Variants in CDKN2AIPNL observed in about 807,000 individuals in gnomAD.
The protein encoded by CDKN2AIPNL is XRN2 binding domain containing 1, also known as CDKN2AIP N-terminal-like protein.
CDKN2AIPNL carries 9 observed loss-of-function variants against 12.9 expected under a neutral mutation model. The ratio of observed to expected loss-of-function variants is 0.70; its 90% CI spans 0.42 to 1.22. CDKN2AIPNL has a LOEUF of 1.22. Among genes scored for constraint, CDKN2AIPNL ranks in the 50% most tolerant of loss-of-function variants. The pLI, the probability that CDKN2AIPNL is intolerant of heterozygous loss-of-function variation, is 0.00. For synonymous variants in CDKN2AIPNL, 53 were observed against 61.7 expected (o/e 0.86, Z 0.66); for missense variants, 143 against 153.6 (o/e 0.93, Z 0.37).
At position 134,402,911 on chromosome 5, in the gene CDKN2AIPNL, T is replaced by C. The variant is rs759991533; in HGVS notation, c.*4A>G. ...GATGATGAAAATGTGATAAATCTTC[T>C]GGCTTAGCTTTGATGCTGGGAAAAA... On this transcript the variant is annotated 3_prime_UTR_variant, in exon 3 of 3. Transcript: ENST00000458198. 3 of 1,609,006 alleles carry C rather than the reference T, an allele frequency of 1.9e-6. No individual in the cohort carries two copies. Among genetic ancestry groups the C allele is most frequent in the Non-Finnish European group, 2.5e-6 (3 of 1,179,294 alleles).
At chr5:134,410,405 G>A (rs1221587207) in intron 1 of CDKN2AIPNL, 4 of 164,576 alleles carry the variant, frequency 2.4e-5, no homozygotes, top group African/African-American at 4.8e-5. Flanking sequence ...GATTACTGGC[G>A]TGAGACACCG....
chr5:134,406,666 G>A (rs1469855397), intron 2 of CDKN2AIPNL, among the ~76,000 whole-genome samples: 1 of 152,204 alleles, frequency 6.6e-6, no homozygotes, highest in African/African-American at 2.4e-5. Context: ...GCTGAGGCAG[G>A]TGGATCATTT....
At chr5:134,405,206 C>T (rs1425686955) in intron 2 of CDKN2AIPNL, among the ~76,000 whole-genome samples, 1 of 149,208 alleles carries the variant, frequency 6.7e-6, no homozygotes, top group Non-Finnish European at 1.5e-5. Flanking sequence ...CCCAGGTTCA[C>T]GCCATTCTCC....
chr5:134,408,055 T>A (rs183469828), intron 2 of CDKN2AIPNL, among the ~76,000 whole-genome samples: 1 of 151,864 alleles, frequency 6.6e-6, no homozygotes, highest in East Asian at 1.9e-4. Flanking sequence ...CACTTGAGCC[T>A]GGGAGGCAGA....
chr5:134,406,445 CAT>C (rs1265222528), intron 2 of CDKN2AIPNL, among the ~76,000 whole-genome samples: 1 of 152,340 alleles, frequency 6.6e-6, no homozygotes, highest in African/African-American at 2.4e-5. Context: ...CATCCTCTGT[CAT>C]GTGTGCAAAA....
At chr5:134,411,068 T>C (rs769432939) in intron 1 of CDKN2AIPNL, 2 of 702,532 alleles carry the variant, frequency 2.8e-6, no homozygotes, top group Admixed American at 4.0e-5. Context: ...TGGTTCCTAC[T>C]TAGGACCCCG....
At position 134,410,015 on chromosome 5, in the gene CDKN2AIPNL, A is replaced by T; in HGVS notation, c.240-13T>A. ...GTCTTTATTGTAACTGCACAATAAA[A>T]AGTAGTAAGGTAAAAACCTTGGAAC... On this transcript the variant is annotated splice_polypyrimidine_tract_variant and intron_variant, in intron 1 of 2. Coordinates refer to ENST00000458198, the MANE Select transcript of CDKN2AIPNL (RefSeq NM_080656.3). 1 of 1,565,788 alleles carries T rather than the reference A, an allele frequency of 6.4e-7. No individual in the cohort carries two copies. The highest frequency in any genetic ancestry group is 8.8e-7 in the Non-Finnish European group (1 of 1,139,706).
chr5:134,407,555 C>A (rs1561688090), intron 2 of CDKN2AIPNL, among the ~76,000 whole-genome samples: 1 of 151,730 alleles, frequency 6.6e-6, no homozygotes, highest in Non-Finnish European at 1.5e-5. Context: ...GGGTGGATCA[C>A]CTGAGGTCAG....
At chr5:134,405,597 A>G (rs1342945017) in intron 2 of CDKN2AIPNL, among the ~76,000 whole-genome samples, 3 of 150,876 alleles carry the variant, frequency 2.0e-5, no homozygotes, top group Non-Finnish European at 4.4e-5. Context: ...TTGTATTTTT[A>G]GCAGAGACGG....
intron 2 of CDKN2AIPNL, among the ~76,000 whole-genome samples, chr5:134,406,777 C>CT (rs1317209320): frequency 9.9e-5 from 15 of 152,254 alleles, no homozygotes; most frequent in African/African-American, 3.6e-4. Context: ...GGCTAAGGTG[C>CT]AAGGATCACT....
chr5:134,407,293 ACAC>A (rs1331442620), intron 2 of CDKN2AIPNL, among the ~76,000 whole-genome samples: 1 of 148,892 alleles, frequency 6.7e-6, no homozygotes, highest in African/African-American at 2.5e-5. Context: ...ACACACACAC[ACAC>A]ACTTCACACT....
In CDKN2AIPNL at chr5:134,410,013, A is replaced by G; in HGVS notation, c.240-11T>C. 1 of 1,575,594 alleles carries G rather than the reference A, an allele frequency of 6.3e-7. No homozygotes were observed. Among genetic ancestry groups the G allele is most frequent in the Middle Eastern group, 1.7e-4 (1 of 5,886 alleles). On this transcript the variant is annotated splice_polypyrimidine_tract_variant and intron_variant, in intron 1 of 2. Transcript: ENST00000458198. ...AGGTCTTTATTGTAACTGCACAATA[A>G]AAAGTAGTAAGGTAAAAACCTTGGA...
chr5:134,405,791 T>G (rs958967257), intron 2 of CDKN2AIPNL, among the ~76,000 whole-genome samples: 6 of 152,212 alleles, frequency 3.9e-5, no homozygotes, highest in African/African-American at 1.4e-4. Flanking sequence ...CCACGTAAAT[T>G]AGGTTGACAG....
At position 134,402,426 on chromosome 5, in the gene CDKN2AIPNL, T is replaced by A. The variant is rs894364097; in HGVS notation, c.*489A>T. On this transcript the variant is annotated 3_prime_UTR_variant, in exon 3 of 3. Coordinates refer to ENST00000458198, the MANE Select transcript of CDKN2AIPNL (RefSeq NM_080656.3). ...CCCAAAAAGGCATTTTAAACAAAAA[T>A]TCTGACGTTTAAAAACTGAAAATAT... The A allele has an allele frequency of 6.6e-6, 1 of 152,362 alleles. No individual in the cohort carries two copies. The allele number at this position is 152,362 out of a possible 1,614,324, so 9.4% of individuals were successfully genotyped here.
intron 2 of CDKN2AIPNL, among the ~76,000 whole-genome samples, chr5:134,408,163 T>C (rs1161227307): frequency 1.3e-5 from 2 of 151,794 alleles, no homozygotes; most frequent in African/African-American, 2.4e-5. Flanking sequence ...CTCACCTCAT[T>C]CCCTGCCTAC....
chr5:134,408,286 A>AT (rs1458621977), intron 2 of CDKN2AIPNL, among the ~76,000 whole-genome samples: 3 of 151,906 alleles, frequency 2.0e-5, no homozygotes, highest in Non-Finnish European at 4.4e-5. Flanking sequence ...ACTGCCCAGT[A>AT]TTTTTTTAAG....
Position 134,409,974 on chromosome 5 carries a change from T to C in CDKN2AIPNL, c.268A>G (p.Met90Val). The change falls in exon 2 of 3, where the codon ATG becomes GTG. Residue 90 changes from methionine (M) to valine (V), a missense_variant. Met to Val is a conservative substitution (Grantham distance 21, BLOSUM62 1). Coordinates refer to ENST00000458198, the MANE Select transcript of CDKN2AIPNL (RefSeq NM_080656.3). ...SYNKDLLDKVMEMADGIEVED... is the reference protein window; with the variant it reads ...SYNKDLLDKVVEMADGIEVED... ...ACTTCAATCCCATCGGCCATTTCCA[T>C]CACCTTGTCTAAAAGGTCTTTATTG... The C allele has an allele frequency of 3.1e-6, 5 of 1,613,098 alleles. No individual in the cohort carries two copies. The highest frequency in any genetic ancestry group is 4.2e-6 in the Non-Finnish European group (5 of 1,179,580).
At chr5:134,403,027 C>A (rs1209864559) in intron 2 of CDKN2AIPNL, 101 bp from the exon 3 acceptor site, 6 of 943,272 alleles carry the variant, frequency 6.4e-6, no homozygotes, top group South Asian at 1.6e-5. Flanking sequence ...TATTTATGTA[C>A]TATCCAGACA....
intron 2 of CDKN2AIPNL, among the ~76,000 whole-genome samples, chr5:134,404,520 G>T (rs1184956257): frequency 4.6e-5 from 7 of 151,988 alleles, no homozygotes; most frequent in Non-Finnish European, 7.4e-5. Context: ...TGCAACAAAA[G>T]TCTCACTATG....
Sources: gnomAD v4.1 joint callset for allele counts (sites outside exome capture counted in the v4.1 genomes callset) on GRCh38, gnomAD v4.1.1 for gene constraint, MANE v1.5 for transcripts, NCBI Gene and HGNC (gene_info 2026-07-23, HGNC 2026-07-21) for gene names.